Variants in CALB2 observed in about 807,000 individuals in gnomAD.
The protein encoded by CALB2 is calretinin.
Under a neutral mutation model 45.9 loss-of-function variants are expected in CALB2, and 34 were observed. The ratio of observed to expected loss-of-function variants is 0.74; its 90% CI spans 0.56 to 0.99. The LOEUF (loss-of-function observed/expected upper bound fraction) is 0.99. CALB2 is among the 50% of genes least tolerant of loss of function. The pLI, the probability that CALB2 is intolerant of heterozygous loss-of-function variation, is 0.00. For synonymous variants in CALB2, 142 were observed against 129.6 expected (o/e 1.10, Z -0.65); for missense variants, 344 against 339.3 (o/e 1.01, Z -0.11).
rs942987909 is a variant in CALB2 at position 71,385,624 on chromosome 16, G to A, written c.675G>A (p.Lys225=). ...IDEHELDALL[K]DLYEKNKKEM... ...AGCATGAGCTGGATGCCCTTTTGAA[G>A]GATCTGTACGAGAAAAACAAAAAGG... is the stretch of plus-strand genomic sequence containing the variant. The change falls in exon 10 of 11, where the codon AAG becomes AAA. Residue 225 remains lysine, a synonymous_variant. Coordinates refer to ENST00000302628, the MANE Select transcript of CALB2 (RefSeq NM_001740.5). 3 of 1,613,846 alleles carry A rather than the reference G, an allele frequency of 1.9e-6. No homozygotes were observed. Among genetic ancestry groups the A allele is most frequent in the Admixed American group, 1.7e-5 (1 of 59,990 alleles).
chr16:71,372,270 A>T (rs765173654), intron 2 of CALB2, 41 bp downstream of exon 2: 12 of 1,464,032 alleles, frequency 8.2e-6, no homozygotes, highest in Non-Finnish European at 1.0e-5. Flanking sequence ...GATTTTCCTG[A>T]CCTATGCCTT....
chr16:71,365,554 G>C (rs1436148425), intron 1 of CALB2, among the ~76,000 whole-genome samples: 1 of 152,126 alleles, frequency 6.6e-6, no homozygotes, highest in Non-Finnish European at 1.5e-5. Flanking sequence ...GCACACTGAT[G>C]AATCACCAAG....
intron 1 of CALB2, among the ~76,000 whole-genome samples, chr16:71,363,427 GC>G (rs1440813089): frequency 6.6e-6 from 1 of 152,116 alleles, no homozygotes; most frequent in Non-Finnish European, 1.5e-5. Flanking sequence ...AACAACAGAG[GC>G]CACAAAGGGC....
At chr16:71,366,820 C>T (rs992014032) in intron 1 of CALB2, among the ~76,000 whole-genome samples, 2 of 152,126 alleles carry the variant, frequency 1.3e-5, no homozygotes, top group African/African-American at 4.8e-5. Context: ...ACAGCTCTCA[C>T]CATAACTCTG....
chr16:71,380,514 G>A (rs1186820388), intron 4 of CALB2, among the ~76,000 whole-genome samples: 1 of 151,582 alleles, frequency 6.6e-6, no homozygotes, highest in African/African-American at 2.4e-5. Flanking sequence ...CTCCATGCTG[G>A]TCAGGCTGGT....
At chr16:71,388,319 A>G (rs949037013) in intron 10 of CALB2, among the ~76,000 whole-genome samples, 2 of 143,204 alleles carry the variant, frequency 1.4e-5, no homozygotes, top group African/African-American at 2.6e-5. Flanking sequence ...GGGTGACAAG[A>G]GCAAGACCTT....
chr16:71,364,851 G>C (rs552656664), intron 1 of CALB2, among the ~76,000 whole-genome samples: 1 of 152,200 alleles, frequency 6.6e-6, no homozygotes, highest in African/African-American at 2.4e-5. Context: ...AGAGAGAGAA[G>C]CCAGGACAAA....
intron 1 of CALB2, among the ~76,000 whole-genome samples, chr16:71,371,086 G>T (rs8055003): frequency 0.033 from 4,965 of 152,246 alleles, 267 homozygotes; most frequent in African/African-American, 0.11. Flanking sequence ...CTAGAGGATG[G>T]GCTTTCCACA....
intron 4 of CALB2, among the ~76,000 whole-genome samples, chr16:71,382,124 A>AAAGGAAGGAAAGAAAG (rs1555526527): frequency 5.8e-5 from 2 of 34,372 alleles, no homozygotes; most frequent in Non-Finnish European, 1.7e-4. Flanking sequence ...AAAGGAAGAA[A>AAAGGAAGGAAAGAAAG]AAGGAAGGAA....
intron 1 of CALB2, among the ~76,000 whole-genome samples, chr16:71,364,420 A>C (rs1377741931): frequency 6.6e-6 from 1 of 152,164 alleles, no homozygotes; most frequent in Non-Finnish European, 1.5e-5. Context: ...CAATTCCAAA[A>C]CCAAAGGAGC....
rs747565524 is a variant in CALB2 at position 71,389,809 on chromosome 16, G to A, written c.760G>A (p.Gly254Arg). ...GAGCGTCATGTCCTTGGCAGAGGCA[G>A]GGAAGCTCTACCGCAAGGACCTGGA... ...RKSVMSLAEA[G>R]KLYRKDLEIV... The change falls in exon 11 of 11, where the codon GGG (glycine) becomes AGG (arginine). Residue 254 changes from glycine (G) to arginine (R), a missense_variant. Around this residue, in one of 3 missense-constraint regions of CALB2, gnomAD observed 263 missense variants for 241.7 expected, o/e 1.09. Coordinates refer to ENST00000302628, the MANE Select transcript of CALB2 (RefSeq NM_001740.5). 5 of 1,613,968 alleles carry A rather than the reference G, an allele frequency of 3.1e-6. No individual in the cohort carries two copies. In the Admixed American group the frequency reaches 5.0e-5, roughly 16 times the overall value.
Position 71,385,636 on chromosome 16 carries a change from G to A in CALB2, c.687G>A (p.Glu229=), listed in dbSNP as rs2042561777. ...ATGCCCTTTTGAAGGATCTGTACGA[G>A]AAAAACAAAAAGGTGAGCAGCCAAG... is the stretch of plus-strand genomic sequence containing the variant. ...ELDALLKDLY[E]KNKKEMNIQQ... is the part of the protein sequence containing the mutation. Residue 229 remains glutamate (E), a synonymous_variant, in exon 10 of 11, where the codon GAG becomes GAA. Coordinates refer to ENST00000302628, the MANE Select transcript of CALB2 (RefSeq NM_001740.5). The A allele has an allele frequency of 1.2e-6, 2 of 1,613,798 alleles. No homozygotes were observed. Among genetic ancestry groups the A allele is most frequent in the African/African-American group, 2.7e-5 (2 of 74,990 alleles).
At chr16:71,367,305 T>A (rs1295019139) in intron 1 of CALB2, among the ~76,000 whole-genome samples, 1 of 151,746 alleles carries the variant, frequency 6.6e-6, no homozygotes, top group Non-Finnish European at 1.5e-5. Flanking sequence ...TTTATCGATG[T>A]CTTTATCGAT....
At chr16:71,376,822 C>T (rs534795202) in intron 3 of CALB2, among the ~76,000 whole-genome samples, 3 of 152,344 alleles carry the variant, frequency 2.0e-5, no homozygotes, top group African/African-American at 7.2e-5. Flanking sequence ...CATACAACCA[C>T]ATGCACCCAA....
chr16:71,361,396 A>G (rs2042237258), intron 1 of CALB2, among the ~76,000 whole-genome samples: 1 of 152,162 alleles, frequency 6.6e-6, no homozygotes. Context: ...GGTGAGCCCA[A>G]CACCGCAGTG....
chr16:71,373,241 CTGTT>C, intron 2 of CALB2, among the ~76,000 whole-genome samples: 1 of 152,262 alleles, frequency 6.6e-6, no homozygotes, highest in East Asian at 1.9e-4. Flanking sequence ...GGCCAATCCA[CTGTT>C]TATTTGCAGC....
At chr16:71,384,509 CCACA>C (rs1249410284) in intron 8 of CALB2, 131 bp downstream of exon 8, 80 of 776,846 alleles carry the variant, frequency 1.0e-4, no homozygotes, top group Admixed American at 5.8e-4. Context: ...ACAAAACACA[CCACA>C]CACACAACAC....
At position 71,365,874 on chromosome 16, in the gene CALB2, T is replaced by G. The variant is rs571194642; in HGVS notation, c.95-6279T>G. Among the ~76,000 whole-genome samples, 7 of 151,862 alleles carry G rather than the reference T, an allele frequency of 4.6e-5. No homozygotes were observed. In the South Asian group the frequency reaches 1.5e-3, roughly 32 times the overall value. ...CCTGCAGAGCTTTGAAAACACCCCCTTCCCCCCATCCATTAAATCAGAAAT... is the reference window on the plus strand; with the variant it reads ...CCTGCAGAGCTTTGAAAACACCCCCGTCCCCCCATCCATTAAATCAGAAAT... On this transcript the variant is annotated intron_variant, in intron 1 of 10. Transcript: ENST00000302628.
chr16:71,367,074 G>T (rs2042295641), intron 1 of CALB2, among the ~76,000 whole-genome samples: 1 of 152,110 alleles, frequency 6.6e-6, no homozygotes, highest in Non-Finnish European at 1.5e-5. Context: ...CCTCCTCTAG[G>T]CATGGCTTCC....
Sources: allele counts gnomAD v4.1 joint callset (sites outside exome capture counted in the v4.1 genomes callset), GRCh38; gene constraint gnomAD v4.1.1; regional missense constraint gnomAD v4.1.1; transcripts MANE v1.5; gene names NCBI Gene and HGNC (gene_info 2026-07-23, HGNC 2026-07-21).